The following FNDC3B variants were observed in gnomAD, a reference collection of about 807,000 sequenced individuals.
FNDC3B encodes fibronectin type III domain-containing protein 3B.
FNDC3B carries 12 observed loss-of-function variants against 151.5 expected under a neutral mutation model. The observed-to-expected ratio is 0.08, with a 90% CI of 0.05 to 0.13. The LOEUF (loss-of-function observed/expected upper bound fraction) is 0.13. FNDC3B is among the 10% of genes least tolerant of loss of function. FNDC3B has a pLI of 1.00. For missense variants in FNDC3B, 1,214 were observed against 1,505.3 expected, an observed-to-expected ratio of 0.81 and a Z score of 3.20; for synonymous variants, 528 against 549.0, an observed-to-expected ratio of 0.96 and a Z score of 0.54.
At chr3:172,219,050 C>G (rs1726137706) in intron 3 of FNDC3B, among the ~76,000 whole-genome samples, 1 of 152,216 alleles carries the variant, frequency 6.6e-6, no homozygotes, top group Non-Finnish European at 1.5e-5. Flanking sequence ...CTTGCCTGCT[C>G]TTTCCTGGGC....
chr3:172,239,252 G>A (rs1473757554), intron 4 of FNDC3B, among the ~76,000 whole-genome samples: 2 of 152,030 alleles, frequency 1.3e-5, no homozygotes, highest in African/African-American at 2.4e-5. Flanking sequence ...GGAGAATCCT[G>A]GATTCTGCCT....
chr3:172,153,423 G>T (rs947505457), intron 3 of FNDC3B, among the ~76,000 whole-genome samples: 1 of 152,128 alleles, frequency 6.6e-6, no homozygotes, highest in Non-Finnish European at 1.5e-5. Flanking sequence ...TGTGCTGCAC[G>T]CTGCCTTGCT....
chr3:172,329,237 T>C (rs1732514161), intron 12 of FNDC3B, 161 bp downstream of exon 12: 4 of 802,970 alleles, frequency 5.0e-6, no homozygotes, highest in Non-Finnish European at 7.9e-6. Context: ...AGGCCTCCTT[T>C]AAGCTGGTGA....
chr3:172,303,308 T>A, intron 9 of FNDC3B, among the ~76,000 whole-genome samples: 1 of 152,184 alleles, frequency 6.6e-6, no homozygotes, highest in East Asian at 1.9e-4. Flanking sequence ...GTCATCCGCC[T>A]AAACAATTTG....
At chr3:172,086,832 C>A (rs2108505472) in intron 1 of FNDC3B, among the ~76,000 whole-genome samples, 1 of 152,344 alleles carries the variant, frequency 6.6e-6, no homozygotes, top group East Asian at 1.9e-4. Context: ...TAAAGAACTT[C>A]TAGCTCTTCA....
intron 2 of FNDC3B, among the ~76,000 whole-genome samples, chr3:172,129,895 C>A (rs1268219032): frequency 6.7e-6 from 1 of 148,398 alleles, no homozygotes; most frequent in Non-Finnish European, 1.5e-5. Flanking sequence ...AGTGAGTAGA[C>A]AAAAAATGAT....
At chr3:172,139,012 G>A (rs1347799293) in intron 3 of FNDC3B, among the ~76,000 whole-genome samples, 1 of 152,186 alleles carries the variant, frequency 6.6e-6, no homozygotes, top group Non-Finnish European at 1.5e-5. Context: ...GCTCTGCCCA[G>A]TGGCTCTGTG....
At chr3:172,341,510 G>A (rs1445617801) in intron 17 of FNDC3B, among the ~76,000 whole-genome samples, 1 of 152,042 alleles carries the variant, frequency 6.6e-6, no homozygotes, top group African/African-American at 2.4e-5. Context: ...GTTGAAAATT[G>A]TCTGGAATTT....
chr3:172,057,998 C>A (rs1019322599), intron 1 of FNDC3B, among the ~76,000 whole-genome samples: 6 of 151,712 alleles, frequency 4.0e-5, no homozygotes, highest in African/African-American at 1.2e-4. Flanking sequence ...TTCTGAATCT[C>A]TATTATTGAG....
At chr3:172,317,632 G>A (rs1024925517) in intron 11 of FNDC3B, among the ~76,000 whole-genome samples, 3 of 152,222 alleles carry the variant, frequency 2.0e-5, no homozygotes, top group East Asian at 1.9e-4. Flanking sequence ...TCACGGGTAC[G>A]TAAGACTGAA....
chr3:172,091,753 AAC>A (rs1267477194), intron 1 of FNDC3B, among the ~76,000 whole-genome samples: 3 of 152,200 alleles, frequency 2.0e-5, no homozygotes, highest in Admixed American at 1.3e-4. Flanking sequence ...AATACCTCTT[AAC>A]ACACATTTTC....
rs76837971 is a variant in FNDC3B at position 172,117,077 on chromosome 3, G to A, written c.111+4487G>A. Among the ~76,000 whole-genome samples, 176 of 152,096 alleles carry A rather than the reference G, an allele frequency of 1.2e-3. 3 individuals carry two copies. The highest frequency in any genetic ancestry group is 9.2e-3 in the Admixed American group (141 of 15,282). ...TGTGGACATGTTTTTTATTTCTCTT[G>A]TATATATAACCGTATATATAACCAA... On this transcript the variant is annotated intron_variant, in intron 2 of 25. Transcript: ENST00000415807.
chr3:172,320,864 TA>T (rs1363960427), intron 11 of FNDC3B, among the ~76,000 whole-genome samples: 1 of 152,228 alleles, frequency 6.6e-6, no homozygotes, highest in African/African-American at 2.4e-5. Flanking sequence ...AGGAAAGCTT[TA>T]TGAGGATACT....
intron 19 of FNDC3B, 124 bp from the exon 20 acceptor site, chr3:172,346,203 A>T (rs1411790439): frequency 4.2e-6 from 2 of 475,516 alleles, no homozygotes; most frequent in Non-Finnish European, 7.5e-6. Flanking sequence ...ATATTTGTTA[A>T]TTAGTTGTGT....
At chr3:172,057,772 A>G (rs555061958) in intron 1 of FNDC3B, among the ~76,000 whole-genome samples, 11 of 150,980 alleles carry the variant, frequency 7.3e-5, no homozygotes, top group African/African-American at 2.2e-4. Flanking sequence ...ACCTCAGTGC[A>G]TGCCTTGGGC....
chr3:172,205,973 A>C (rs1383395235), intron 3 of FNDC3B, among the ~76,000 whole-genome samples: 1 of 152,234 alleles, frequency 6.6e-6, no homozygotes, highest in Non-Finnish European at 1.5e-5. Context: ...TCTTAGTATA[A>C]AATCAGGATA....
At chr3:172,371,335 CT>C (rs920565137) in intron 23 of FNDC3B, among the ~76,000 whole-genome samples, 2 of 152,226 alleles carry the variant, frequency 1.3e-5, no homozygotes, top group South Asian at 2.1e-4. Context: ...TGCAAGCATC[CT>C]TTTTTTCCCC....
intron 11 of FNDC3B, among the ~76,000 whole-genome samples, chr3:172,323,634 G>A (rs756161303): frequency 7.2e-5 from 11 of 152,130 alleles, no homozygotes; most frequent in Non-Finnish European, 1.5e-4. Context: ...TGTTTTCAGG[G>A]GTTGATCATT....
At chr3:172,126,142 TC>T (rs1401731298) in intron 2 of FNDC3B, among the ~76,000 whole-genome samples, 15 of 152,042 alleles carry the variant, frequency 9.9e-5, no homozygotes. Context: ...ACATTATTTG[TC>T]CCAGATGGAG....
Sources: gnomAD v4.1 joint callset for allele counts (sites outside exome capture counted in the v4.1 genomes callset) on GRCh38, gnomAD v4.1.1 for gene constraint, MANE v1.5 for transcripts, NCBI Gene and HGNC (gene_info 2026-07-23, HGNC 2026-07-21) for gene names.